The following AUTS2 variants were observed in gnomAD, a reference collection of about 807,000 sequenced individuals.
AUTS2 encodes activator of transcription and developmental regulator AUTS2, also known as autism susceptibility gene 2 protein.
AUTS2 carries 17 observed loss-of-function variants against 112.4 expected under a neutral mutation model. The ratio of observed to expected loss-of-function variants is 0.15; its 90% confidence interval spans 0.10 to 0.23. The LOEUF is 0.23. AUTS2 is among the 10% of genes least tolerant of loss of function. The pLI, the probability that AUTS2 is intolerant of heterozygous loss-of-function variation, is 1.00. For synonymous variants in AUTS2, 751 were observed against 702.7 expected, an observed-to-expected ratio of 1.07 and a Z score of -1.09; for missense variants, 1,510 against 1,701.6, an observed-to-expected ratio of 0.89 and a Z score of 1.98.
At chr7:69,623,630 T>G (rs923716646) in intron 1 of AUTS2, among the ~76,000 whole-genome samples, 3 of 152,110 alleles carry the variant, frequency 2.0e-5, no homozygotes, top group Non-Finnish European at 4.4e-5. Flanking sequence ...TATTTTTGAG[T>G]GTTTTCCTGG....
At chr7:70,078,284 A>T (rs1342940856) in intron 2 of AUTS2, among the ~76,000 whole-genome samples, 1 of 152,168 alleles carries the variant, frequency 6.6e-6, no homozygotes, top group Admixed American at 6.5e-5. Flanking sequence ...GGTAGCATAT[A>T]CACCATGCTG....
intron 1 of AUTS2, among the ~76,000 whole-genome samples, chr7:69,777,896 C>T (rs1788964725): frequency 6.6e-6 from 1 of 152,076 alleles, no homozygotes; most frequent in Non-Finnish European, 1.5e-5. Context: ...TTCATGCTGG[C>T]CCAAGGCTGT....
At chr7:70,091,586 G>A (rs899584454) in intron 2 of AUTS2, among the ~76,000 whole-genome samples, 1 of 152,088 alleles carries the variant, frequency 6.6e-6, no homozygotes, top group African/African-American at 2.4e-5. Flanking sequence ...TAAACTCTGG[G>A]ATTGCTGAGG....
chr7:69,726,967 C>T (rs954287489), intron 1 of AUTS2, among the ~76,000 whole-genome samples: 3 of 152,138 alleles, frequency 2.0e-5, no homozygotes, highest in East Asian at 1.9e-4. Context: ...CTGTTACTTG[C>T]CTTTTTAGTT....
chr7:69,715,809 G>A (rs368845093), intron 1 of AUTS2, among the ~76,000 whole-genome samples: 12 of 152,166 alleles, frequency 7.9e-5, no homozygotes, highest in African/African-American at 2.9e-4. Flanking sequence ...ACTATTCTAA[G>A]TGATTTTGTA....
At chr7:70,369,303 T>C (rs530491683) in intron 4 of AUTS2, among the ~76,000 whole-genome samples, 2 of 152,290 alleles carry the variant, frequency 1.3e-5, no homozygotes, top group African/African-American at 4.8e-5. Context: ...CGAGAGAAGT[T>C]TAGGACTTTA....
chr7:69,664,884 C>A (rs1420464615), intron 1 of AUTS2, among the ~76,000 whole-genome samples: 1 of 152,076 alleles, frequency 6.6e-6, no homozygotes, highest in African/African-American at 2.4e-5. Flanking sequence ...CCAGTAGGGA[C>A]TATGAAATGA....
At chr7:70,348,570 C>T (rs1020045826) in intron 4 of AUTS2, among the ~76,000 whole-genome samples, 20 of 152,012 alleles carry the variant, frequency 1.3e-4, no homozygotes, top group Middle Eastern at 3.4e-3. Flanking sequence ...TTTGGGAGGC[C>T]GAGGCGGGTG....
chr7:70,514,720 A>T (rs569632135), intron 5 of AUTS2, among the ~76,000 whole-genome samples: 1 of 152,278 alleles, frequency 6.6e-6, no homozygotes, highest in South Asian at 2.1e-4. Flanking sequence ...CCAACTGCTT[A>T]TTGCCAGTTG....
At chr7:69,918,260 T>C (rs1228131195) in intron 2 of AUTS2, among the ~76,000 whole-genome samples, 2 of 152,192 alleles carry the variant, frequency 1.3e-5, no homozygotes, top group Non-Finnish European at 2.9e-5. Flanking sequence ...CAAATTTTGG[T>C]GGTTTCGTTC....
intron 2 of AUTS2, among the ~76,000 whole-genome samples, chr7:70,052,025 T>G (rs1801777120): frequency 6.6e-6 from 1 of 152,170 alleles, no homozygotes; most frequent in African/African-American, 2.4e-5. Flanking sequence ...TAGTGTCCTG[T>G]GTACTACAAT....
intron 2 of AUTS2, among the ~76,000 whole-genome samples, chr7:70,108,765 C>A (rs1220654882): frequency 1.5e-5 from 2 of 135,958 alleles, no homozygotes; most frequent in African/African-American, 5.9e-5. Flanking sequence ...GAGTTCCAGA[C>A]CAGCCTGGCC....
intron 5 of AUTS2, among the ~76,000 whole-genome samples, chr7:70,642,453 C>A (rs907559988): frequency 6.6e-6 from 1 of 152,152 alleles, no homozygotes; most frequent in Non-Finnish European, 1.5e-5. Context: ...TTATTTTTCA[C>A]TTTTAGGTCT....
intron 1 of AUTS2, among the ~76,000 whole-genome samples, chr7:69,825,453 G>A (rs1791198192): frequency 6.6e-6 from 1 of 152,200 alleles, no homozygotes; most frequent in Admixed American, 6.5e-5. Flanking sequence ...GGAAGAACCA[G>A]TGGCATGAGA....
chr7:70,469,261 G>A (rs137975856), intron 5 of AUTS2, among the ~76,000 whole-genome samples: 60 of 152,322 alleles, frequency 3.9e-4, no homozygotes, highest in Non-Finnish European at 7.8e-4. Flanking sequence ...TGATGGTAAA[G>A]AATATGGAGG....
chr7:69,624,670 G>A (rs1008835228), intron 1 of AUTS2, among the ~76,000 whole-genome samples: 9 of 152,194 alleles, frequency 5.9e-5, no homozygotes, highest in African/African-American at 2.2e-4. Flanking sequence ...TGTGAGAGCT[G>A]CTCCCTTTCC....
At chr7:69,853,817 GCTT>G (rs1273825968) in intron 1 of AUTS2, among the ~76,000 whole-genome samples, 2 of 152,030 alleles carry the variant, frequency 1.3e-5, no homozygotes, top group East Asian at 3.8e-4. Context: ...TTCTGGAACT[GCTT>G]CTTTACTTTT....
At chr7:70,125,266 TG>T (rs1470813960) in intron 3 of AUTS2, among the ~76,000 whole-genome samples, 2 of 151,810 alleles carry the variant, frequency 1.3e-5, no homozygotes, top group East Asian at 1.9e-4. Flanking sequence ...TGTGTGTGTG[TG>T]TGTGTGTGTG....
intron 5 of AUTS2, among the ~76,000 whole-genome samples, chr7:70,626,740 C>T (rs1199648062): frequency 3.3e-5 from 5 of 152,120 alleles, no homozygotes; most frequent in African/African-American, 4.8e-5. Context: ...TGGTTAGCCC[C>T]CACTTACAAA....
Sources: gnomAD v4.1 joint callset for allele counts (sites outside exome capture counted in the v4.1 genomes callset) on GRCh38, gnomAD v4.1.1 for gene constraint, MANE v1.5 for transcripts, NCBI Gene and HGNC (gene_info 2026-07-23, HGNC 2026-07-21) for gene names.